DLG2: variants seen among roughly 807,000 people sequenced by gnomAD.
DLG2 encodes disks large homolog 2.
Under a neutral mutation model 132.5 loss-of-function variants are expected in DLG2, and 45 were observed. The observed-to-expected ratio is 0.34, with a 90% CI of 0.27 to 0.44. The LOEUF (loss-of-function observed/expected upper bound fraction) is 0.44, where lower values mean the gene tolerates loss of function less well. Ranked by LOEUF, DLG2 falls within the 20% of genes least tolerant of loss-of-function variation. The pLI, the probability that DLG2 is intolerant of heterozygous loss-of-function variation, is 1.00. For missense variants in DLG2, 1,045 were observed against 1,196.9 expected, an observed-to-expected ratio of 0.87 and a Z score of 1.87; for synonymous variants, 424 against 419.6, an observed-to-expected ratio of 1.01 and a Z score of -0.13.
intron 6 of DLG2, among the ~76,000 whole-genome samples, chr11:84,968,204 T>C (rs747983236): frequency 3.3e-5 from 5 of 152,168 alleles, no homozygotes; most frequent in African/African-American, 7.2e-5. Flanking sequence ...TAGAATAAAA[T>C]TATATATGAC....
intron 6 of DLG2, among the ~76,000 whole-genome samples, chr11:84,690,356 A>G (rs776233463): frequency 6.6e-6 from 1 of 151,930 alleles, no homozygotes; most frequent in Non-Finnish European, 1.5e-5. Context: ...ACTTAATTCT[A>G]CAATGTATAC....
chr11:83,940,139 C>G (rs2082321219), intron 14 of DLG2, among the ~76,000 whole-genome samples: 1 of 152,194 alleles, frequency 6.6e-6, no homozygotes, highest in African/African-American at 2.4e-5. Context: ...CACTGCCTTG[C>G]TCTCTTTAGA....
chr11:83,670,813 A>G (rs915997228), intron 18 of DLG2, among the ~76,000 whole-genome samples: 1 of 152,112 alleles, frequency 6.6e-6, no homozygotes, highest in African/African-American at 2.4e-5. Context: ...ATTAGAAGGG[A>G]ATCTAAGTAA....
At chr11:83,782,783 T>G (rs1274214660) in intron 18 of DLG2, among the ~76,000 whole-genome samples, 1 of 151,998 alleles carries the variant, frequency 6.6e-6, no homozygotes, top group Admixed American at 6.6e-5. Context: ...AAGGAGTTAG[T>G]GCACAGGGAT....
At chr11:85,619,688 G>C (rs2081569800) in intron 2 of DLG2, among the ~76,000 whole-genome samples, 1 of 151,984 alleles carries the variant, frequency 6.6e-6, no homozygotes. Flanking sequence ...GAAAAAATTA[G>C]CCAGGCACAG....
chr11:85,448,640 T>A (rs1017224487), intron 3 of DLG2, among the ~76,000 whole-genome samples: 8 of 152,162 alleles, frequency 5.3e-5, no homozygotes, highest in Admixed American at 6.5e-5. Context: ...AAATGAAATA[T>A]CCCACTCTTG....
intron 21 of DLG2, among the ~76,000 whole-genome samples, chr11:83,510,115 T>C (rs2139804428): frequency 6.6e-6 from 1 of 152,290 alleles, no homozygotes; most frequent in South Asian, 2.1e-4. Context: ...CAGCTTCCTT[T>C]TCTGACCATC....
At chr11:83,798,830 A>C (rs1186497664) in intron 17 of DLG2, among the ~76,000 whole-genome samples, 1 of 152,168 alleles carries the variant, frequency 6.6e-6, no homozygotes, top group Non-Finnish European at 1.5e-5. Flanking sequence ...AAGAGGGAAA[A>C]AAATCTATTT....
At chr11:84,467,001 A>C (rs1030422468) in intron 7 of DLG2, among the ~76,000 whole-genome samples, 1 of 151,362 alleles carries the variant, frequency 6.6e-6, no homozygotes, top group Non-Finnish European at 1.5e-5. Context: ...TTTAAAATAT[A>C]TATAAATTTC....
chr11:84,146,007 C>T lies in DLG2; in HGVS notation c.624+17454G>A, dbSNP rs1017908549. Among the ~76,000 whole-genome samples, 6 of 152,274 alleles carry T rather than the reference C, an allele frequency of 3.9e-5. No individual in the cohort carries two copies. The East Asian group carries it at 1.2e-3, about 29-fold the overall frequency. On this transcript the variant is annotated intron_variant, in intron 9 of 27. Coordinates refer to ENST00000376104, the MANE Select transcript of DLG2 (RefSeq NM_001142699.3). ...CATCTGACTCAGATAGTTAACACTG[C>T]AAAAGCACTTTGCACACACAAAAGC...
chr11:84,179,992 AT>A (rs2096073547), intron 8 of DLG2, among the ~76,000 whole-genome samples: 1 of 152,162 alleles, frequency 6.6e-6, no homozygotes, highest in African/African-American at 2.4e-5. Flanking sequence ...TATTCAGTTC[AT>A]TATGTCATTT....
intron 6 of DLG2, among the ~76,000 whole-genome samples, chr11:84,537,322 G>A (rs1424865820): frequency 2.6e-5 from 4 of 151,926 alleles, no homozygotes; most frequent in Non-Finnish European, 5.9e-5. Context: ...AGCCAGGCTG[G>A]TCTCGAACTC....
At chr11:85,266,434 G>T (rs1215547865) in intron 4 of DLG2, among the ~76,000 whole-genome samples, 1 of 152,140 alleles carries the variant, frequency 6.6e-6, no homozygotes, top group South Asian at 2.1e-4. Context: ...ACAGGGAGGG[G>T]AACATCACAC....
chr11:84,309,567 T>C (rs1282090224), intron 7 of DLG2, among the ~76,000 whole-genome samples: 1 of 152,224 alleles, frequency 6.6e-6, no homozygotes, highest in African/African-American at 2.4e-5. Flanking sequence ...TAAGATTCCA[T>C]ACAGTTCTGA....
At chr11:83,718,735 A>G (rs1324221870) in intron 18 of DLG2, among the ~76,000 whole-genome samples, 1 of 152,024 alleles carries the variant, frequency 6.6e-6, no homozygotes, top group African/African-American at 2.4e-5. Flanking sequence ...CAGCTGTTAT[A>G]AAAACTTAAG....
intron 16 of DLG2, among the ~76,000 whole-genome samples, chr11:83,872,762 G>A (rs376920053): frequency 2.7e-4 from 41 of 152,302 alleles, no homozygotes; most frequent in Non-Finnish European, 5.6e-4. Context: ...ATAGTTGAAG[G>A]AAGTCTACTT....
chr11:85,189,083 A>T (rs756899028), intron 4 of DLG2, among the ~76,000 whole-genome samples: 1 of 152,198 alleles, frequency 6.6e-6, no homozygotes, highest in Non-Finnish European at 1.5e-5. Context: ...TTTTTAAGGC[A>T]GCAAGATAAA....
intron 11 of DLG2, among the ~76,000 whole-genome samples, chr11:84,057,001 C>G (rs1287347868): frequency 6.6e-6 from 1 of 152,100 alleles, no homozygotes; most frequent in African/African-American, 2.4e-5. Context: ...GTAGACCAAG[C>G]TCACTTGTAA....
chr11:83,793,330 A>G (rs1472410724), intron 17 of DLG2, among the ~76,000 whole-genome samples: 1 of 152,032 alleles, frequency 6.6e-6, no homozygotes, highest in African/African-American at 2.4e-5. Flanking sequence ...TTGGCTCTTA[A>G]GTTTTAGATT....
Sources: gnomAD v4.1 joint callset for allele counts (sites outside exome capture counted in the v4.1 genomes callset) on GRCh38, gnomAD v4.1.1 for gene constraint, MANE v1.5 for transcripts, NCBI Gene and HGNC (gene_info 2026-07-23, HGNC 2026-07-21) for gene names.